Variants in SCAF8 observed in about 807,000 individuals in gnomAD.
SCAF8 encodes SR-related and CTD-associated factor 8.
A neutral mutation model predicts 140.5 loss-of-function variants in SCAF8; 23 were observed. The observed-to-expected ratio is 0.16, with a 90% CI of 0.12 to 0.23. SCAF8 has a LOEUF of 0.23. Among genes scored for constraint, SCAF8 ranks in the 10% least tolerant of loss-of-function variants. The pLI, the probability that SCAF8 is intolerant of heterozygous loss-of-function variation, is 1.00. For synonymous variants in SCAF8, 575 were observed against 528.9 expected (o/e 1.09, Z -1.20); for missense variants, 1,397 against 1,555.7 (o/e 0.90, Z 1.72).
intron 1 of SCAF8, among the ~76,000 whole-genome samples, chr6:154,743,388 C>T (rs897179412): frequency 3.3e-5 from 5 of 151,964 alleles, no homozygotes; most frequent in Non-Finnish European, 7.4e-5. Context: ...TTCTTTTGTC[C>T]GTGAGAATCA....
chr6:154,784,148 TA>T lies in SCAF8; in HGVS notation c.160-3712del, dbSNP rs1562444205. Among the ~76,000 whole-genome samples the T allele has an allele frequency of 1.8e-3, 229 of 129,308 alleles. 4 individuals carry two copies. Among genetic ancestry groups the T allele is most frequent in the Middle Eastern group, 8.4e-3 (2 of 238 alleles). The allele number at this position is 129,308 out of a possible 152,430, so 84.8% of individuals were successfully genotyped here. ...ATATATATATATATATATATATATA[TA>T]TATATATATTTATTTATTTATTTTT... On this transcript the variant is annotated intron_variant, in intron 3 of 19. Coordinates refer to ENST00000367178, the MANE Select transcript of SCAF8 (RefSeq NM_014892.5).
intron 18 of SCAF8, among the ~76,000 whole-genome samples, chr6:154,829,122 G>A (rs1778653501): frequency 6.6e-6 from 1 of 151,924 alleles, no homozygotes; most frequent in African/African-American, 2.4e-5. Context: ...ACCTGCACAT[G>A]TACCCCTGAA....
intron 1 of SCAF8, among the ~76,000 whole-genome samples, chr6:154,746,665 TATTA>T (rs1312614447): frequency 1.1e-4 from 17 of 152,108 alleles, no homozygotes; most frequent in East Asian, 3.9e-4. Flanking sequence ...TAAACAAACC[TATTA>T]ATTAGAGTTT....
intron 13 of SCAF8, 39 bp downstream of exon 13, chr6:154,815,855 G>T: frequency 3.0e-6 from 4 of 1,343,758 alleles, no homozygotes; most frequent in South Asian, 1.2e-5. Context: ...TTTTAAAAAA[G>T]GAGGTTTTTA....
At chr6:154,749,561 G>A (rs1778789527) in intron 1 of SCAF8, among the ~76,000 whole-genome samples, 1 of 152,176 alleles carries the variant, frequency 6.6e-6, no homozygotes, top group Non-Finnish European at 1.5e-5. Flanking sequence ...GAAGAGTAGT[G>A]ATGTCACCTA....
chr6:154,747,451 C>T (rs143339711), intron 1 of SCAF8, among the ~76,000 whole-genome samples: 160 of 152,136 alleles, frequency 1.1e-3, no homozygotes, highest in African/African-American at 3.7e-3. Flanking sequence ...GTGGAGGTTG[C>T]AGTGAGTTGA....
In SCAF8 at chr6:154,830,967, A is replaced by G; in HGVS notation, c.2186A>G (p.Asp729Gly). The G allele has an allele frequency of 6.2e-7, 1 of 1,614,090 alleles. No homozygotes were observed. The highest frequency in any genetic ancestry group is 1.7e-5 in the Admixed American group (1 of 60,018). ...TCCATGACACCGGAAACTGTGAAAG[A>G]TGTTGGATTTGGTAGCCTTGTTATA... ...SLSMTPETVK[D>G]VGFGSLVIPG... The change falls in exon 19 of 20, where the codon GAT becomes GGT. Residue 729 changes from aspartate to glycine, a missense_variant. By Grantham distance (94) the Asp-to-Gly change is moderately conservative (BLOSUM62 -1). Transcript: ENST00000367178.
At chr6:154,806,010 A>C (rs2114905749) in intron 9 of SCAF8, among the ~76,000 whole-genome samples, 1 of 152,144 alleles carries the variant, frequency 6.6e-6, no homozygotes, top group African/African-American at 2.4e-5. Flanking sequence ...GGGCATTATG[A>C]CTCCCATTTT....
chr6:154,787,082 C>T (rs916866467), intron 3 of SCAF8, among the ~76,000 whole-genome samples: 5 of 152,182 alleles, frequency 3.3e-5, no homozygotes, highest in African/African-American at 4.8e-5. Context: ...AGGCAGGGCA[C>T]GGTGGCTCGT....
chr6:154,826,720 A>G (rs1007447250), intron 17 of SCAF8, among the ~76,000 whole-genome samples: 2 of 152,216 alleles, frequency 1.3e-5, no homozygotes, highest in Non-Finnish European at 2.9e-5. Context: ...TCTAAAATTA[A>G]TAATTTAATT....
chr6:154,802,033 G>C lies in SCAF8; in HGVS notation c.669G>C (p.Gln223His), dbSNP rs1350196053. ...QQQKPQPSIL[Q>H]ALDAGLVVQL... ...AGAAGCCCCAGCCTTCCATTCTGCAGGCCCTAGATGCTGGTCTTGTTGTTC... is the reference window on the plus strand; with the variant it reads ...AGAAGCCCCAGCCTTCCATTCTGCACGCCCTAGATGCTGGTCTTGTTGTTC... The change falls in exon 7 of 20, where the codon CAG becomes CAC. Residue 223 changes from glutamine to histidine, a missense_variant. Around this residue, in one of 5 missense-constraint regions of SCAF8, gnomAD observed 339 missense variants for 407.5 expected, o/e 0.83. Coordinates refer to ENST00000367178, the MANE Select transcript of SCAF8 (RefSeq NM_014892.5). The C allele has an allele frequency of 1.9e-6, 3 of 1,612,280 alleles. No individual in the cohort carries two copies. The African/African-American group carries it at 4.0e-5, about 22-fold the overall frequency.
At chr6:154,803,444 A>G in intron 7 of SCAF8, 100 bp from the exon 8 acceptor site, 1 of 775,642 alleles carries the variant, frequency 1.3e-6, no homozygotes, top group East Asian at 2.6e-5. Context: ...ACATTAAATG[A>G]TAGATATAAC....
chr6:154,765,038 C>CT (rs1245427611), intron 1 of SCAF8, among the ~76,000 whole-genome samples: 1 of 152,016 alleles, frequency 6.6e-6, no homozygotes, highest in Non-Finnish European at 1.5e-5. Flanking sequence ...ATTGTAATGT[C>CT]TTGTAGATGT....
At chr6:154,800,573 C>T (rs183526779) in intron 6 of SCAF8, among the ~76,000 whole-genome samples, 1 of 151,342 alleles carries the variant, frequency 6.6e-6, no homozygotes, top group African/African-American at 2.4e-5. Flanking sequence ...CTTAACAGTA[C>T]TTTACATGGA....
intron 18 of SCAF8, among the ~76,000 whole-genome samples, chr6:154,827,487 T>A (rs531347183): frequency 1.4e-4 from 22 of 152,310 alleles, no homozygotes; most frequent in African/African-American, 5.3e-4. Context: ...TATTTGTGTG[T>A]TTTTTGTTTT....
Position 154,806,608 on chromosome 6 carries a change from G to T in SCAF8, c.981+1122G>T, listed in dbSNP as rs1487736840. 3.3e-5 allele frequency among the ~76,000 whole-genome samples: 5 copies of T among 152,140 alleles called. No individual in the cohort carries two copies. The East Asian group carries it at 9.6e-4, about 29-fold the overall frequency. On this transcript the variant is annotated intron_variant, in intron 9 of 19. Coordinates refer to ENST00000367178, the MANE Select transcript of SCAF8 (RefSeq NM_014892.5). ...GCTGAAGGATTCTAGGAGCATGGAG[G>T]GGGGAACAGTTATTTTAGATGGAAG...
At chr6:154,771,247 T>A (rs979999075) in intron 1 of SCAF8, among the ~76,000 whole-genome samples, 2 of 151,636 alleles carry the variant, frequency 1.3e-5, no homozygotes, top group African/African-American at 2.4e-5. Flanking sequence ...AAAGAGGGAG[T>A]ATTGATCTGA....
intron 15 of SCAF8, among the ~76,000 whole-genome samples, chr6:154,821,632 G>A (rs1397237400): frequency 6.6e-6 from 1 of 152,188 alleles, no homozygotes; most frequent in East Asian, 1.9e-4. Flanking sequence ...GGTAAGGCAG[G>A]CAGCCATCTG....
At position 154,736,614 on chromosome 6, in the gene SCAF8, A is replaced by G. The variant is rs1000232313; in HGVS notation, c.30+2684A>G. On this transcript the variant is annotated intron_variant, in intron 1 of 19. Transcript: ENST00000367178. ...ACAGTAGCTCCCAAATATTAGATGT[A>G]AACAAGTGGTTAGTGCACTATGGTT... 7.0e-4 allele frequency among the ~76,000 whole-genome samples: 106 copies of G among 152,280 alleles called. 2 individuals carry two copies. The highest frequency in any genetic ancestry group is 6.9e-3 in the Admixed American group (105 of 15,276).
Sources: allele counts gnomAD v4.1 joint callset (sites outside exome capture counted in the v4.1 genomes callset), GRCh38; gene constraint gnomAD v4.1.1; regional missense constraint gnomAD v4.1.1; transcripts MANE v1.5; gene names NCBI Gene and HGNC (gene_info 2026-07-23, HGNC 2026-07-21).